The following SCFD1 variants were observed in gnomAD, a reference collection of about 807,000 sequenced individuals.
SCFD1 encodes sec1 family domain-containing protein 1.
SCFD1 carries 37 observed loss-of-function variants against 103.2 expected under a neutral mutation model. That is an observed-to-expected ratio of 0.36 (90% CI 0.28 to 0.47). The LOEUF (loss-of-function observed/expected upper bound fraction) is 0.47, where lower values mean the gene tolerates loss of function less well. Among genes scored for constraint, SCFD1 ranks in the 20% least tolerant of loss-of-function variants. The pLI, the probability that SCFD1 is intolerant of heterozygous loss-of-function variation, is 1.00. For synonymous variants in SCFD1, 264 were observed against 245.0 expected (o/e 1.08, Z -0.73); for missense variants, 639 against 761.2 (o/e 0.84, Z 1.89).
chr14:30,715,025 T>G (rs1285023721), intron 19 of SCFD1, among the ~76,000 whole-genome samples: 1 of 152,226 alleles, frequency 6.6e-6, no homozygotes, highest in Non-Finnish European at 1.5e-5. Context: ...TGTTGTACAT[T>G]TCGTGTTCAA....
At chr14:30,664,401 T>G (rs983538585) in intron 10 of SCFD1, among the ~76,000 whole-genome samples, 1 of 152,026 alleles carries the variant, frequency 6.6e-6, no homozygotes, top group Non-Finnish European at 1.5e-5. Flanking sequence ...TAGGTCACCA[T>G]CATCAAAGAC....
intron 24 of SCFD1, 69 bp downstream of exon 24, chr14:30,734,927 G>GAGAA (rs1893731578): frequency 7.6e-7 from 1 of 1,316,304 alleles, no homozygotes; most frequent in African/African-American, 1.5e-5. Context: ...TTTCAAAAGA[G>GAGAA]AGAAAGAAAA....
At chr14:30,622,761 A>AT (rs1263190432) in intron 1 of SCFD1, among the ~76,000 whole-genome samples, 1 of 152,040 alleles carries the variant, frequency 6.6e-6, no homozygotes, top group Non-Finnish European at 1.5e-5. Context: ...CCTGGTTTTG[A>AT]TTTTTAAGAG....
At chr14:30,703,966 T>TATATAA (rs1433198478) in intron 17 of SCFD1, among the ~76,000 whole-genome samples, 25 of 90,900 alleles carry the variant, frequency 2.8e-4, no homozygotes, top group Non-Finnish European at 4.5e-4. Flanking sequence ...TATATATAAA[T>TATATAA]AATGAGATAT....
chr14:30,634,712 C>CA, intron 4 of SCFD1: 2 of 429,064 alleles, frequency 4.7e-6, no homozygotes, highest in Non-Finnish European at 9.2e-6. Flanking sequence ...ATAAGGTAAT[C>CA]AAAGACCCAG....
At chr14:30,726,789 G>A (rs985967337) in intron 23 of SCFD1, among the ~76,000 whole-genome samples, 2 of 151,836 alleles carry the variant, frequency 1.3e-5, no homozygotes, top group African/African-American at 4.8e-5. Context: ...AACATTTCTT[G>A]TCAACAACCA....
intron 10 of SCFD1, among the ~76,000 whole-genome samples, chr14:30,655,568 C>G (rs994306083): frequency 6.6e-6 from 1 of 152,084 alleles, no homozygotes; most frequent in East Asian, 1.9e-4. Context: ...AGAGCAAGAT[C>G]GGTTAGGAGG....
intron 10 of SCFD1, 27 bp from the exon 11 acceptor site, chr14:30,670,229 G>A: frequency 6.5e-7 from 1 of 1,539,590 alleles, no homozygotes; most frequent in Non-Finnish European, 8.8e-7. Flanking sequence ...GAAAACAGTT[G>A]TTTAACACAA....
chr14:30,649,011 AG>A (rs1416439029), intron 7 of SCFD1, among the ~76,000 whole-genome samples: 2 of 151,492 alleles, frequency 1.3e-5, no homozygotes, highest in Non-Finnish European at 2.9e-5. Flanking sequence ...AACTGCCCAT[AG>A]GGGATCAAAA....
intron 6 of SCFD1, among the ~76,000 whole-genome samples, chr14:30,640,695 G>A (rs941395269): frequency 4.6e-5 from 7 of 151,360 alleles, no homozygotes; most frequent in African/African-American, 9.7e-5. Context: ...TTTTTTTTAG[G>A]TACTGTACTT....
chr14:30,725,008 T>C (rs10132700), intron 23 of SCFD1, among the ~76,000 whole-genome samples: 3,619 of 152,232 alleles, frequency 0.024, 170 homozygotes, highest in African/African-American at 0.083. Flanking sequence ...GCAGTCTTAT[T>C]TCTTGGTTCT....
intron 14 of SCFD1, among the ~76,000 whole-genome samples, chr14:30,683,756 A>G (rs1204179861): frequency 6.6e-6 from 1 of 152,210 alleles, no homozygotes; most frequent in African/African-American, 2.4e-5. Flanking sequence ...TGCAACATAG[A>G]AAGGTTTATC....
chr14:30,735,677 A>G lies in SCFD1; in HGVS notation c.*68A>G. 8.6e-7 allele frequency: 1 copy of G among 1,160,720 alleles called. No homozygotes were observed. Among genetic ancestry groups the G allele is most frequent in the Non-Finnish European group, 1.3e-6 (1 of 792,272 alleles). The allele number at this position is 1,160,720 out of a possible 1,614,324, so 71.9% of individuals were successfully genotyped here. A position where few individuals can be genotyped will look rare whatever the true frequency, so the allele number is the denominator to read the frequency against. On this transcript the variant is annotated 3_prime_UTR_variant, in exon 25 of 25. Transcript: ENST00000458591. ...AAATGTAAAAAGAAGAAAAGTTAGA[A>G]GAGCAATATGTTTCCTTCTCTGTAA...
chr14:30,658,842 T>C (rs1243912920), intron 10 of SCFD1, among the ~76,000 whole-genome samples: 1 of 152,232 alleles, frequency 6.6e-6, no homozygotes, highest in East Asian at 1.9e-4. Flanking sequence ...TCTTTGATCC[T>C]CTAATCTTTA....
chr14:30,649,629 ATTGTTTTCC>A, intron 8 of SCFD1, 46 bp downstream of exon 8: 1 of 1,424,516 alleles, frequency 7.0e-7, no homozygotes, highest in Non-Finnish European at 9.6e-7. Context: ...CATTGTGTGA[ATTGTTTTCC>A]CACAAGTAAC....
intron 23 of SCFD1, chr14:30,734,529 C>G: frequency 2.6e-6 from 1 of 385,680 alleles, no homozygotes; most frequent in Non-Finnish European, 4.8e-6. Flanking sequence ...GAGATTCCTT[C>G]TATTTTTAGT....
intron 10 of SCFD1, among the ~76,000 whole-genome samples, chr14:30,656,593 T>C (rs1886928254): frequency 6.6e-6 from 1 of 152,116 alleles, no homozygotes; most frequent in African/African-American, 2.4e-5. Context: ...GGGGCAAAAT[T>C]GCCCAATTGA....
intron 10 of SCFD1, among the ~76,000 whole-genome samples, chr14:30,663,372 C>G (rs1016671624): frequency 1.3e-5 from 2 of 152,118 alleles, no homozygotes; most frequent in Admixed American, 6.5e-5. Flanking sequence ...TTTTTTAAAT[C>G]TAAGGTTCTT....
chr14:30,703,342 A>G (rs1256136567), intron 17 of SCFD1, among the ~76,000 whole-genome samples: 1 of 149,380 alleles, frequency 6.7e-6, no homozygotes, highest in Non-Finnish European at 1.5e-5. Flanking sequence ...CAAAACTTAA[A>G]TGACATTTTT....
Sources: allele counts gnomAD v4.1 joint callset (sites outside exome capture counted in the v4.1 genomes callset), GRCh38; gene constraint gnomAD v4.1.1; transcripts MANE v1.5; gene names NCBI Gene and HGNC (gene_info 2026-07-23, HGNC 2026-07-21).